RNF220: variants seen among roughly 807,000 people sequenced by gnomAD.
RNF220 encodes the protein ring finger protein 220.
RNF220 carries 7 observed loss-of-function variants against 67.1 expected under a neutral mutation model. The ratio of observed to expected loss-of-function variants is 0.10; its 90% CI spans 0.06 to 0.20. The LOEUF (loss-of-function observed/expected upper bound fraction) is 0.20, where lower values mean the gene tolerates loss of function less well. RNF220 is among the 10% of genes least tolerant of loss of function. RNF220 has a pLI of 1.00. For missense variants in RNF220, 565 were observed against 740.3 expected (o/e 0.76, Z 2.75); for synonymous variants, 270 against 283.2 (o/e 0.95, Z 0.47).
chr1:44,415,649 G>A (rs750023257), intron 2 of RNF220, among the ~76,000 whole-genome samples: 18 of 151,650 alleles, frequency 1.2e-4, no homozygotes, highest in Non-Finnish European at 5.9e-5. Context: ...TTTTAATTAA[G>A]TGCAGCAGTC....
At chr1:44,581,168 G>A (rs1458905997) in intron 2 of RNF220, among the ~76,000 whole-genome samples, 1 of 152,196 alleles carries the variant, frequency 6.6e-6, no homozygotes, top group South Asian at 2.1e-4. Context: ...TCATCATACG[G>A]ACTCTGCACC....
intron 12 of RNF220, among the ~76,000 whole-genome samples, chr1:44,646,819 T>TCTGGATCTGCTGAGA (rs1644664670): frequency 6.6e-6 from 1 of 152,154 alleles, no homozygotes; most frequent in African/African-American, 2.4e-5. Context: ...CTCCACTGGG[T>TCTGGATCTGCTGAGA]CTGGATCTGC....
chr1:44,483,777 G>C (rs1656044363), intron 2 of RNF220, among the ~76,000 whole-genome samples: 1 of 152,146 alleles, frequency 6.6e-6, no homozygotes, highest in African/African-American at 2.4e-5. Flanking sequence ...TTTATAGTTT[G>C]CTTTTGCATA....
chr1:44,450,740 TCC>T (rs1652584277), intron 2 of RNF220, among the ~76,000 whole-genome samples: 2 of 152,224 alleles, frequency 1.3e-5, no homozygotes, highest in Non-Finnish European at 2.9e-5. Flanking sequence ...GTAATTTACT[TCC>T]AGTTTTTCAT....
At position 44,405,374 on chromosome 1, in the gene RNF220, C is replaced by CCTACTG. The variant is rs1553208881; in HGVS notation, c.-271_-266dup. 25 of 578,710 alleles carry CCTACTG rather than the reference C, an allele frequency of 4.3e-5. No homozygotes were observed. Among genetic ancestry groups the CCTACTG allele is most frequent in the Middle Eastern group, 3.5e-4 (1 of 2,842 alleles). 35.8% of individuals were successfully genotyped at this position (578,710 alleles called of 1,614,324 possible). ...GCGAACACAAACCCGGGGCCAGCCG[C>CCTACTG]CTACTGCTGCTGCTGCTGCTGCCGC... On this transcript the variant is annotated 5_prime_UTR_variant, in exon 1 of 15. Coordinates refer to ENST00000361799, the MANE Select transcript of RNF220 (RefSeq NM_018150.4).
intron 2 of RNF220, among the ~76,000 whole-genome samples, chr1:44,441,631 A>G (rs1366412232): frequency 1.3e-5 from 2 of 152,210 alleles, no homozygotes; most frequent in Non-Finnish European, 2.9e-5. Flanking sequence ...AGTAAGAAAC[A>G]TTTGTGGAGA....
intron 2 of RNF220, among the ~76,000 whole-genome samples, chr1:44,475,081 A>C (rs1655176103): frequency 6.6e-6 from 1 of 152,164 alleles, no homozygotes; most frequent in Non-Finnish European, 1.5e-5. Context: ...CTGAGGAAAA[A>C]AAAATCACAA....
chr1:44,405,255 A>G lies in RNF220; in HGVS notation c.-393A>G. 1 of 385,658 alleles carries G rather than the reference A, an allele frequency of 2.6e-6. No individual in the cohort carries two copies. The allele number at this position is 385,658 out of a possible 1,614,324, so 23.9% of individuals were successfully genotyped here. ...CGAGTCCCTGGGAGAGTGGAGGCTC[A>G]TTCACTGATTAGATCCAGCGCTGAG... is the stretch of plus-strand genomic sequence containing the variant. On this transcript the variant is annotated 5_prime_UTR_variant, in exon 1 of 15. Transcript: ENST00000361799.
At chr1:44,413,279 G>T (rs936188795) in intron 2 of RNF220, among the ~76,000 whole-genome samples, 1 of 152,198 alleles carries the variant, frequency 6.6e-6, no homozygotes, top group Admixed American at 6.5e-5. Flanking sequence ...TCACACAGCT[G>T]TGTTTTCCTT....
rs933538996 is a variant in RNF220, at chr1:44,451,161, C to T, written c.625+38439C>T. ...TCGGGCCACTGCATTCCTGCCTGGG[C>T]GACAGAGTGAGACTCCGTCTCAAAA... On this transcript the variant is annotated intron_variant, in intron 2 of 14. Transcript: ENST00000361799. Among the ~76,000 whole-genome samples, 22 of 146,964 alleles carry T rather than the reference C, an allele frequency of 1.5e-4. No individual in the cohort carries two copies. In the Middle Eastern group the frequency reaches 0.011, roughly 71 times the overall value.
At chr1:44,589,821 A>G (rs760264429) in intron 2 of RNF220, among the ~76,000 whole-genome samples, 2 of 152,184 alleles carry the variant, frequency 1.3e-5, no homozygotes, top group South Asian at 2.1e-4. Context: ...GTTTATAAAC[A>G]ACACCTAAGC....
intron 2 of RNF220, among the ~76,000 whole-genome samples, chr1:44,530,527 T>C (rs952048506): frequency 3.7e-3 from 127 of 34,464 alleles, no homozygotes; most frequent in Non-Finnish European, 5.8e-3. Flanking sequence ...TGGAGTCAAA[T>C]CTGCAAAAAA....
intron 2 of RNF220, among the ~76,000 whole-genome samples, chr1:44,433,075 G>A (rs758713294): frequency 1.5e-4 from 23 of 151,852 alleles, no homozygotes; most frequent in Admixed American, 2.6e-4. Context: ...GACTACAGGC[G>A]TGCGTCACTA....
intron 2 of RNF220, among the ~76,000 whole-genome samples, chr1:44,468,056 G>A (rs868322838): frequency 6.6e-6 from 1 of 151,832 alleles, no homozygotes; most frequent in African/African-American, 2.4e-5. Flanking sequence ...TTCATGGCAC[G>A]CCAGATCAAT....
In RNF220 at chr1:44,522,487, C is replaced by T. The variant is rs1020562253; in HGVS notation, c.626-91678C>T. 6.6e-5 allele frequency among the ~76,000 whole-genome samples: 10 copies of T among 152,214 alleles called. No individual in the cohort carries two copies. The East Asian group carries it at 1.7e-3, about 26-fold the overall frequency. ...AAGACTTCTTGAAGGGGGTAAAAGTCGAACTGGTCACTTAAGGACTGGAGG... is the reference window on the plus strand; with the variant it reads ...AAGACTTCTTGAAGGGGGTAAAAGTTGAACTGGTCACTTAAGGACTGGAGG... On this transcript the variant is annotated intron_variant, in intron 2 of 14. Coordinates refer to ENST00000361799, the MANE Select transcript of RNF220 (RefSeq NM_018150.4).
chr1:44,428,002 C>G (rs1649969228), intron 2 of RNF220, among the ~76,000 whole-genome samples: 2 of 152,156 alleles, frequency 1.3e-5, no homozygotes, highest in East Asian at 3.8e-4. Flanking sequence ...GACAAGTCTT[C>G]CTACGACTGA....
intron 2 of RNF220, among the ~76,000 whole-genome samples, chr1:44,599,797 A>G (rs920592992): frequency 6.6e-6 from 1 of 152,232 alleles, no homozygotes; most frequent in Non-Finnish European, 1.5e-5. Context: ...AAGATGGGAT[A>G]GGAGGCTGGA....
At chr1:44,520,128 T>TGTGTGAGAGA (rs796131470) in intron 2 of RNF220, among the ~76,000 whole-genome samples, 12 of 113,462 alleles carry the variant, frequency 1.1e-4, no homozygotes, top group East Asian at 7.9e-4. Context: ...TGTGTGTGTG[T>TGTGTGAGAGA]GAGAGAGAGA....
chr1:44,427,819 C>T (rs1368463171), intron 2 of RNF220, among the ~76,000 whole-genome samples: 2 of 152,126 alleles, frequency 1.3e-5, no homozygotes, highest in Admixed American at 6.6e-5. Context: ...AACAGTGCCT[C>T]GCACAAAGTA....
Sources: gnomAD v4.1 joint callset for allele counts (sites outside exome capture counted in the v4.1 genomes callset) on GRCh38, gnomAD v4.1.1 for gene constraint, MANE v1.5 for transcripts, NCBI Gene and HGNC (gene_info 2026-07-23, HGNC 2026-07-21) for gene names.